The following CHKA variants were observed in gnomAD, a reference collection of about 807,000 sequenced individuals.
The protein encoded by CHKA is CHETK-alpha.
A neutral mutation model predicts 60.1 loss-of-function variants in CHKA; 34 were observed. That is an observed-to-expected ratio of 0.57 (90% confidence interval 0.43 to 0.75). CHKA has a LOEUF of 0.75. CHKA is among the 30% of genes least tolerant of loss of function. The pLI is 0.00. For missense variants in CHKA, 563 were observed against 561.3 expected (o/e 1.00, Z -0.03); for synonymous variants, 217 against 223.1 (o/e 0.97, Z 0.24).
At chr11:68,060,329 G>A (rs1022567117) in intron 11 of CHKA, among the ~76,000 whole-genome samples, 1 of 150,946 alleles carries the variant, frequency 6.6e-6, no homozygotes, top group Admixed American at 6.6e-5. Flanking sequence ...ACCGCACCCG[G>A]CCAGAGTTTC....
At chr11:68,083,090 T>C (rs771309064) in intron 2 of CHKA, among the ~76,000 whole-genome samples, 2 of 152,190 alleles carry the variant, frequency 1.3e-5, no homozygotes, top group Non-Finnish European at 2.9e-5. Flanking sequence ...AAATTCCTAA[T>C]GAATAGGGAC....
At chr11:68,079,275 T>C (rs1003895326) in intron 3 of CHKA, among the ~76,000 whole-genome samples, 2 of 152,202 alleles carry the variant, frequency 1.3e-5, no homozygotes, top group African/African-American at 4.8e-5. Flanking sequence ...ACTGTGGTTA[T>C]GTGAGATGTT....
At chr11:68,102,500 G>T (rs918301211) in intron 1 of CHKA, among the ~76,000 whole-genome samples, 1 of 152,148 alleles carries the variant, frequency 6.6e-6, no homozygotes. Flanking sequence ...GATATCGCAC[G>T]CACAAGAATG....
chr11:68,059,622 T>C (rs756903688), intron 11 of CHKA, among the ~76,000 whole-genome samples: 2 of 152,256 alleles, frequency 1.3e-5, no homozygotes, highest in Non-Finnish European at 2.9e-5. Flanking sequence ...AAATATTTTC[T>C]CATTTTCTTT....
chr11:68,055,158 C>G (rs1341958870), intron 11 of CHKA, among the ~76,000 whole-genome samples: 2 of 152,172 alleles, frequency 1.3e-5, no homozygotes, highest in Admixed American at 6.5e-5. Flanking sequence ...TTTGGAAGGC[C>G]AAGGCAGACG....
intron 2 of CHKA, among the ~76,000 whole-genome samples, chr11:68,092,883 G>A (rs1049740833): frequency 6.6e-6 from 1 of 151,992 alleles, no homozygotes; most frequent in Non-Finnish European, 1.5e-5. Flanking sequence ...TCCCACCTAA[G>A]AAGCAAAGAA....
At chr11:68,080,644 C>T (rs1370375031) in intron 3 of CHKA, among the ~76,000 whole-genome samples, 1 of 152,200 alleles carries the variant, frequency 6.6e-6, no homozygotes, top group South Asian at 2.1e-4. Context: ...CCGCATTCAG[C>T]CTATTTCTTG....
intron 3 of CHKA, among the ~76,000 whole-genome samples, chr11:68,075,565 A>G (rs1419287218): frequency 6.6e-6 from 1 of 152,152 alleles, no homozygotes; most frequent in Non-Finnish European, 1.5e-5. Context: ...CCCCTTAAAC[A>G]GCACATTACA....
chr11:68,075,396 A>T (rs919424419), intron 3 of CHKA, among the ~76,000 whole-genome samples: 1 of 151,896 alleles, frequency 6.6e-6, no homozygotes, highest in African/African-American at 2.4e-5. Flanking sequence ...CAGTTGGCAC[A>T]CCCGACCTTT....
At chr11:68,070,124 T>C (rs887579972) in intron 6 of CHKA, 65 bp downstream of exon 6, 97 of 1,167,050 alleles carry the variant, frequency 8.3e-5, no homozygotes, top group Middle Eastern at 6.2e-4. Context: ...GCTCAATCAA[T>C]GTTTACTGAC....
At chr11:68,064,772 G>T (rs1856383725) in intron 9 of CHKA, 141 bp from the exon 10 acceptor site, 1 of 595,050 alleles carries the variant, frequency 1.7e-6, no homozygotes, top group Non-Finnish European at 2.9e-6. Context: ...ACATCCTGGG[G>T]CTGGCACCAG....
At chr11:68,102,562 C>T (rs548320901) in intron 1 of CHKA, among the ~76,000 whole-genome samples, 3 of 152,168 alleles carry the variant, frequency 2.0e-5, no homozygotes, top group African/African-American at 4.8e-5. Context: ...CAAAATGGAT[C>T]GAAAACTTAA....
At chr11:68,055,862 CAAAG>C (rs1855996642) in intron 11 of CHKA, among the ~76,000 whole-genome samples, 1 of 150,204 alleles carries the variant, frequency 6.7e-6, no homozygotes, top group African/African-American at 2.5e-5. Flanking sequence ...CTGACCAACA[CAAAG>C]AAACCCCGTC....
chr11:68,075,018 G>C (rs1470301528), intron 3 of CHKA, among the ~76,000 whole-genome samples, 188 bp from the exon 4 acceptor site: 1 of 152,206 alleles, frequency 6.6e-6, no homozygotes, highest in Non-Finnish European at 1.5e-5. Flanking sequence ...CGTGTCATTT[G>C]CAGGATTCAT....
intron 7 of CHKA, among the ~76,000 whole-genome samples, chr11:68,067,504 A>G (rs1367579615): frequency 6.6e-6 from 1 of 152,142 alleles, no homozygotes; most frequent in Non-Finnish European, 1.5e-5. Flanking sequence ...CTAAGGCAGG[A>G]GGATCACTTA....
intron 2 of CHKA, among the ~76,000 whole-genome samples, chr11:68,094,689 G>A (rs1007604598): frequency 6.6e-6 from 1 of 152,192 alleles, no homozygotes; most frequent in Non-Finnish European, 1.5e-5. Flanking sequence ...ACAGCAAGGG[G>A]TCTGTGTTTT....
intron 1 of CHKA, among the ~76,000 whole-genome samples, chr11:68,098,393 C>T (rs576899779): frequency 2.6e-5 from 4 of 152,012 alleles, no homozygotes; most frequent in Non-Finnish European, 5.9e-5. Context: ...ACACAAACAT[C>T]TCCATGTCCT....
rs759978491 is a variant in CHKA, at chr11:68,054,019, T to C, written c.1343A>G (p.Tyr448Cys). Residue 448 changes from tyrosine (Y) to cysteine (C), a missense_variant, in exon 12 of 12, where the codon TAT (tyrosine) becomes TGT (cysteine). By Grantham distance (194) the Tyr-to-Cys change is radical. Coordinates refer to ENST00000265689, the MANE Select transcript of CHKA (RefSeq NM_001277.3). ...CCCAAGCTTCCTCTTCTGGTGGAAA[T>C]AGGCATCAAACCTTGCTTGGGCGTA... ...MDYAQARFDA[Y>C]FHQKRKLGV 12 of 1,613,644 alleles carry C rather than the reference T, an allele frequency of 7.4e-6. No homozygotes were observed. The highest frequency in any genetic ancestry group is 4.5e-5 in the East Asian group (2 of 44,884).
intron 1 of CHKA, among the ~76,000 whole-genome samples, chr11:68,112,659 G>A (rs111630400): frequency 3.3e-5 from 5 of 152,278 alleles, no homozygotes; most frequent in African/African-American, 1.2e-4. Context: ...AAAAGATACT[G>A]TCAAGAGAAT....
Sources: gnomAD v4.1 joint callset for allele counts (sites outside exome capture counted in the v4.1 genomes callset) on GRCh38, gnomAD v4.1.1 for gene constraint, MANE v1.5 for transcripts, NCBI Gene and HGNC (gene_info 2026-07-23, HGNC 2026-07-21) for gene names.